UTP23: variants seen among roughly 807,000 people sequenced by gnomAD.
UTP23 encodes the protein UTP23 small subunit processome component.
A neutral mutation model predicts 19.8 loss-of-function variants in UTP23; 10 were observed. That is an observed-to-expected ratio of 0.50 (90% CI 0.31 to 0.86). The LOEUF (loss-of-function observed/expected upper bound fraction) is 0.86. Ranked by LOEUF, UTP23 falls within the 40% of genes least tolerant of loss-of-function variation. The probability of loss-of-function intolerance (pLI) is 0.05; values close to 1 mark genes in which losing one functional copy is unlikely to be tolerated. For synonymous variants in UTP23, 108 were observed against 105.4 expected (o/e 1.02, Z -0.15); for missense variants, 282 against 293.1 (o/e 0.96, Z 0.28).
In UTP23 at chr8:116,774,099, A is replaced by G; in HGVS notation, c.*2257A>G. ...TTAACCTCTGCTTTAGAGGGTAGCT[A>G]CTAGCTTTGTTGGGGATAAAAGTGT... On this transcript the variant is annotated 3_prime_UTR_variant, in exon 3 of 3. Transcript: ENST00000309822. 1.0e-6 allele frequency: 1 copy of G among 985,420 alleles called. No individual in the cohort carries two copies. Among genetic ancestry groups the G allele is most frequent in the Non-Finnish European group, 1.2e-6 (1 of 829,922 alleles). 61.0% of individuals were successfully genotyped at this position (985,420 alleles called of 1,614,324 possible).
Position 116,771,729 on chromosome 8 carries a change from A to C in UTP23, c.637A>C (p.Lys213Gln). Residue 213 changes from lysine (K) to glutamine (Q), a missense_variant, in exon 3 of 3, where the codon AAG becomes CAG. Lys to Gln is a moderately conservative substitution (Grantham distance 53). Coordinates refer to ENST00000309822, the MANE Select transcript of UTP23 (RefSeq NM_032334.3). ...NPLSCLKKKK[K>Q]APDTQSSASE... Reference sequence around the variant, plus strand: ...TCTTAGTTGTTTGAAGAAAAAGAAAAAGGCACCGGACACACAATCATCTGC... The same window carrying C: ...TCTTAGTTGTTTGAAGAAAAAGAAACAGGCACCGGACACACAATCATCTGC... 2 of 1,612,960 alleles carry C rather than the reference A, an allele frequency of 1.2e-6. No homozygotes were observed. Among genetic ancestry groups the C allele is most frequent in the Non-Finnish European group, 1.7e-6 (2 of 1,179,870 alleles).
chr8:116,771,640 G>T lies in UTP23; in HGVS notation c.548G>T (p.Gly183Val), dbSNP rs1351463195. ...ESIKHLKEEQ[G>V]LVKNTEQSRR... ...ATCAAACATCTCAAAGAGGAACAGG[G>T]TTTAGTGAAAAACACTGAACAGAGT... Residue 183 changes from glycine to valine, a missense_variant, in exon 3 of 3, where the codon GGT becomes GTT. Coordinates refer to ENST00000309822, the MANE Select transcript of UTP23 (RefSeq NM_032334.3). 1 of 1,611,528 alleles carries T rather than the reference G, an allele frequency of 6.2e-7. No individual in the cohort carries two copies. Among genetic ancestry groups the T allele is most frequent in the Non-Finnish European group, 8.5e-7 (1 of 1,179,392 alleles).
Position 116,773,924 on chromosome 8 carries a change from A to G in UTP23, c.*2082A>G. Reference sequence around the variant, plus strand: ...CAAAAGTCTCATATCCTTGTACTTCAGTTTTTTTGTGTGTGAATACTATCC... The same window carrying G: ...CAAAAGTCTCATATCCTTGTACTTCGGTTTTTTTGTGTGTGAATACTATCC... On this transcript the variant is annotated 3_prime_UTR_variant, in exon 3 of 3. Transcript: ENST00000309822. 1.0e-6 allele frequency: 1 copy of G among 983,978 alleles called. No homozygotes were observed. The highest frequency in any genetic ancestry group is 1.7e-5 in the African/African-American group (1 of 57,302). The allele number at this position is 983,978 out of a possible 1,614,324, so 61.0% of individuals were successfully genotyped here.
chr8:116,773,796 G>T lies in UTP23; in HGVS notation c.*1954G>T. ...CTGCACTCCAGCCTGGTGAGAGAGT[G>T]AAACCCCGTCTCAAAAATAAATAAA... On this transcript the variant is annotated 3_prime_UTR_variant, in exon 3 of 3. Transcript: ENST00000309822. 3.1e-6 allele frequency: 2 copies of T among 654,756 alleles called. No individual in the cohort carries two copies. The highest frequency in any genetic ancestry group is 3.8e-6 in the Non-Finnish European group (2 of 528,380). The allele number at this position is 654,756 out of a possible 1,614,324, so 40.6% of individuals were successfully genotyped here.
At chr8:116,766,881 CAGG>C (rs1815589099) in intron 1 of UTP23, 90 bp downstream of exon 1, 4 of 1,309,194 alleles carry the variant, frequency 3.1e-6, no homozygotes, top group African/African-American at 1.5e-5. Context: ...ATTGCGAGCT[CAGG>C]AGGTGCAAAA....
rs556843582 is a variant in UTP23, at chr8:116,766,805, G to A, written c.188+14G>A. 6.6e-7 allele frequency: 1 copy of A among 1,518,476 alleles called. No individual in the cohort carries two copies. The highest frequency in any genetic ancestry group is 1.2e-5 in the South Asian group (1 of 81,756). The allele number at this position is 1,518,476 out of a possible 1,614,324, so 94.1% of individuals were successfully genotyped here. ...GTGCACCACAAGGTGGGCCCGGGGG[G>A]CTGGGGAGGAGGCACAGAGGGTCCG... is the stretch of plus-strand genomic sequence containing the variant. On this transcript the variant is annotated intron_variant, in intron 1 of 2. Coordinates refer to ENST00000309822, the MANE Select transcript of UTP23 (RefSeq NM_032334.3).
chr8:116,771,609 GA>G lies in UTP23; in HGVS notation c.520del (p.Ser174ValfsTer11), dbSNP rs1462353928. On this transcript the variant is annotated frameshift_variant, in exon 3 of 3. Coordinates refer to ENST00000309822, the MANE Select transcript of UTP23 (RefSeq NM_032334.3). LOFTEE classifies it high-confidence loss of function. Reference protein sequence around the residue: ...SGQLVSVHEKESIKHLKEEQG... With the variant: ...SGQLVSVHEKXSIKHLKEEQG... ...TCAGCTTGTCTCAGTGCATGAGAAA[GA>G]AAGTATCAAACATCTCAAAGAGGAA... 1.1e-5 allele frequency: 17 copies of G among 1,611,874 alleles called. No individual in the cohort carries two copies. Among genetic ancestry groups the G allele is most frequent in the Non-Finnish European group, 1.3e-5 (15 of 1,179,544 alleles).
Position 116,772,439 on chromosome 8 carries a change from C to A in UTP23, c.*597C>A, listed in dbSNP as rs1815670575. The stretch of plus-strand genomic sequence containing the variant: ...TCTAGTAGTTGAAGAATTTATATTT[C>A]CAAATTGTATGATTATACCGCTACT... On this transcript the variant is annotated 3_prime_UTR_variant, in exon 3 of 3. Transcript: ENST00000309822. The A allele has an allele frequency of 4.2e-6, 4 of 950,408 alleles. No homozygotes were observed. Among genetic ancestry groups the A allele is most frequent in the Non-Finnish European group, 5.0e-6 (4 of 798,094 alleles). The allele number at this position is 950,408 out of a possible 1,614,324, so 58.9% of individuals were successfully genotyped here. A position where few individuals can be genotyped will look rare whatever the true frequency, so the allele number is the denominator to read the frequency against.
rs1815661852 is a variant in UTP23 at position 116,771,901 on chromosome 8, G to A, written c.*59G>A. On this transcript the variant is annotated 3_prime_UTR_variant, in exon 3 of 3. Transcript: ENST00000309822. ...GAAAATGAATTTTTTACAACTAGAAGTATTTATAATAAAAGACCAAACTTA... is the reference window on the plus strand; with the variant it reads ...GAAAATGAATTTTTTACAACTAGAAATATTTATAATAAAAGACCAAACTTA... The A allele has an allele frequency of 6.7e-7, 1 of 1,486,672 alleles. No homozygotes were observed. The highest frequency in any genetic ancestry group is 8.9e-7 in the Non-Finnish European group (1 of 1,128,328). 92.1% of individuals were successfully genotyped at this position (1,486,672 alleles called of 1,614,324 possible).
chr8:116,768,950 C>A (rs937868132), intron 1 of UTP23, among the ~76,000 whole-genome samples: 2 of 152,194 alleles, frequency 1.3e-5, no homozygotes, highest in African/African-American at 4.8e-5. Flanking sequence ...CAGGCATGAG[C>A]CACCATGCCA....
At chr8:116,766,994 C>A in intron 1 of UTP23, 1 of 509,506 alleles carries the variant, frequency 2.0e-6, no homozygotes, top group Non-Finnish European at 3.4e-6. Flanking sequence ...GTGAATATCA[C>A]GTGTCGTTAG....
Position 116,772,056 on chromosome 8 carries a change from G to T in UTP23, c.*214G>T. 8.5e-7 allele frequency: 1 copy of T among 1,178,910 alleles called. No individual in the cohort carries two copies. Among genetic ancestry groups the T allele is most frequent in the Non-Finnish European group, 1.1e-6 (1 of 949,668 alleles). The allele number at this position is 1,178,910 out of a possible 1,614,324, so 73.0% of individuals were successfully genotyped here. On this transcript the variant is annotated 3_prime_UTR_variant, in exon 3 of 3. Transcript: ENST00000309822. ...AATTAGCTGGGCATGATGGTGCACAGTTGTAATTCCAGCTACTCAGGAGGC... is the reference window on the plus strand; with the variant it reads ...AATTAGCTGGGCATGATGGTGCACATTTGTAATTCCAGCTACTCAGGAGGC...
At chr8:116,771,248 C>G (rs933467787) in intron 2 of UTP23, among the ~76,000 whole-genome samples, 1 of 152,196 alleles carries the variant, frequency 6.6e-6, no homozygotes, top group African/African-American at 2.4e-5. Context: ...ATCCGGTTCA[C>G]ACAGCTGCTA....
At chr8:116,770,472 A>G in intron 2 of UTP23, 106 bp downstream of exon 2, 1 of 1,112,348 alleles carries the variant, frequency 9.0e-7, no homozygotes, top group Middle Eastern at 2.3e-4. Flanking sequence ...ACTTTTAAAA[A>G]TACAGGCTTC....
At chr8:116,770,113 T>C (rs1815631268) in intron 1 of UTP23, 79 bp from the exon 2 acceptor site, 6 of 1,364,144 alleles carry the variant, frequency 4.4e-6, no homozygotes, top group Admixed American at 4.9e-5. Flanking sequence ...CATAGTTTTA[T>C]TTTAAGAAAA....
rs3088140 is a variant in UTP23, at chr8:116,774,364, T to C, written c.*2522T>C. 0.11 allele frequency: 109,793 copies of C among 985,180 alleles called. 6,635 individuals are homozygous for C. Among genetic ancestry groups the C allele is most frequent in the East Asian group, 0.32 (2,773 of 8,782 alleles). The allele number at this position is 985,180 out of a possible 1,614,324, so 61.0% of individuals were successfully genotyped here. On this transcript the variant is annotated 3_prime_UTR_variant, in exon 3 of 3. Transcript: ENST00000309822. Reference sequence around the variant, plus strand: ...GTTTCAAAGGTAAAAGGATCTCATGTTTCTGAATCTGCGTAAAGCAAGATG... The same window carrying C: ...GTTTCAAAGGTAAAAGGATCTCATGCTTCTGAATCTGCGTAAAGCAAGATG...
In UTP23 at chr8:116,773,693, C is replaced by T; in HGVS notation, c.*1851C>T. On this transcript the variant is annotated 3_prime_UTR_variant, in exon 3 of 3. Coordinates refer to ENST00000309822, the MANE Select transcript of UTP23 (RefSeq NM_032334.3). ...GGTGTGGTGGTGTGCGCCTGTAGTC[C>T]CAGCTACTCGGGAGGCTGAGGCAGG... The T allele has an allele frequency of 3.6e-6, 1 of 279,680 alleles. No individual in the cohort carries two copies. The highest frequency in any genetic ancestry group is 5.4e-6 in the Non-Finnish European group (1 of 184,896). 17.3% of individuals were successfully genotyped at this position (279,680 alleles called of 1,614,324 possible).
intron 2 of UTP23, 50 bp downstream of exon 2, chr8:116,770,416 C>T: frequency 6.5e-7 from 1 of 1,528,230 alleles, no homozygotes; most frequent in Non-Finnish European, 8.9e-7. Context: ...TCTATTTATA[C>T]TTCATATGGA....
At chr8:116,771,296 A>G (rs1815647089) in intron 2 of UTP23, among the ~76,000 whole-genome samples, 160 bp from the exon 3 acceptor site, 1 of 152,172 alleles carries the variant, frequency 6.6e-6, no homozygotes, top group South Asian at 2.1e-4. Flanking sequence ...TTCTTCCTTT[A>G]TCATGAAATA....
Sources: allele counts gnomAD v4.1 joint callset (sites outside exome capture counted in the v4.1 genomes callset), GRCh38; gene constraint gnomAD v4.1.1; transcripts MANE v1.5; gene names NCBI Gene and HGNC (gene_info 2026-07-23, HGNC 2026-07-21).